The following CHSY3 variants were observed in gnomAD, a reference collection of about 807,000 sequenced individuals.
The protein encoded by CHSY3 is chondroitin sulfate synthase 3.
CHSY3 carries 35 observed loss-of-function variants against 67.2 expected under a neutral mutation model. The ratio of observed to expected loss-of-function variants is 0.52; its 90% CI spans 0.40 to 0.69. The LOEUF is 0.69. CHSY3 is among the 30% of genes least tolerant of loss of function. The pLI, the probability that CHSY3 is intolerant of heterozygous loss-of-function variation, is 0.00. For missense variants in CHSY3, 1,069 were observed against 1,138.5 expected (o/e 0.94, Z 0.88); for synonymous variants, 474 against 434.7 (o/e 1.09, Z -1.12).
At chr5:130,136,381 G>A (rs886088564) in intron 2 of CHSY3, among the ~76,000 whole-genome samples, 1 of 152,140 alleles carries the variant, frequency 6.6e-6, no homozygotes, top group Non-Finnish European at 1.5e-5. Context: ...GAAACCTAAG[G>A]GACAGTCATG....
At chr5:130,112,302 T>A (rs184881033) in intron 2 of CHSY3, among the ~76,000 whole-genome samples, 69 of 152,306 alleles carry the variant, frequency 4.5e-4, no homozygotes, top group African/African-American at 1.1e-3. Context: ...AAAGTTATTT[T>A]TGTAGTGACT....
intron 2 of CHSY3, among the ~76,000 whole-genome samples, chr5:129,944,679 T>G (rs1202071449): frequency 1.3e-5 from 2 of 152,170 alleles, no homozygotes; most frequent in African/African-American, 4.8e-5. Flanking sequence ...AGATATATTT[T>G]AACTATTTAA....
intron 1 of CHSY3, chr5:129,905,849 G>A (rs1760271317): frequency 9.9e-7 from 1 of 1,006,572 alleles, no homozygotes; most frequent in East Asian, 2.8e-5. Flanking sequence ...CACCTGCCTG[G>A]CTTTATTCGC....
At chr5:130,017,123 AT>A (rs1269495483) in intron 2 of CHSY3, among the ~76,000 whole-genome samples, 5 of 152,136 alleles carry the variant, frequency 3.3e-5, no homozygotes, top group African/African-American at 4.8e-5. Context: ...ACTTTTTAAA[AT>A]TAGTTTCTTT....
At chr5:130,089,209 C>G (rs1766785374) in intron 2 of CHSY3, among the ~76,000 whole-genome samples, 1 of 111,586 alleles carries the variant, frequency 9.0e-6, no homozygotes, top group African/African-American at 3.7e-5. Flanking sequence ...ACATCACACT[C>G]TGGGGACTGT....
chr5:130,127,914 C>T (rs1036608858), intron 2 of CHSY3, among the ~76,000 whole-genome samples: 1 of 152,106 alleles, frequency 6.6e-6, no homozygotes, highest in Non-Finnish European at 1.5e-5. Flanking sequence ...ACAGTTTCAG[C>T]ACCTTATCAA....
intron 2 of CHSY3, among the ~76,000 whole-genome samples, chr5:129,997,121 T>TA (rs35540828): frequency 0.51 from 73,852 of 145,594 alleles, 18,468 homozygotes; most frequent in East Asian, 0.57. Flanking sequence ...TCAAAGCATT[T>TA]AAAAAAAAAA....
chr5:130,136,173 G>A (rs899424630), intron 2 of CHSY3, among the ~76,000 whole-genome samples: 2 of 152,176 alleles, frequency 1.3e-5, no homozygotes, highest in African/African-American at 4.8e-5. Context: ...CACCAAGGAG[G>A]TAATGCTTGA....
At chr5:130,027,346 C>G (rs1363007158) in intron 2 of CHSY3, among the ~76,000 whole-genome samples, 1 of 152,014 alleles carries the variant, frequency 6.6e-6, no homozygotes, top group East Asian at 1.9e-4. Context: ...AGTAGAGCAC[C>G]TCAACCTCTG....
chr5:130,007,452 G>C (rs1412643144), intron 2 of CHSY3, among the ~76,000 whole-genome samples: 2 of 152,086 alleles, frequency 1.3e-5, no homozygotes, highest in Non-Finnish European at 2.9e-5. Flanking sequence ...GTTGAAGGGG[G>C]AGGGAGCAGA....
At chr5:129,908,445 C>T in intron 2 of CHSY3, 85 bp downstream of exon 2, 1 of 1,509,170 alleles carries the variant, frequency 6.6e-7, no homozygotes, top group East Asian at 2.3e-5. Flanking sequence ...TATTCATTCT[C>T]TCTGTATCTT....
chr5:130,160,252 A>C (rs1769491144), intron 2 of CHSY3, among the ~76,000 whole-genome samples: 1 of 152,212 alleles, frequency 6.6e-6, no homozygotes, highest in African/African-American at 2.4e-5. Context: ...TTCCTTGTCC[A>C]TCTGACTCCC....
intron 2 of CHSY3, among the ~76,000 whole-genome samples, chr5:130,062,409 G>A (rs774811897): frequency 1.3e-5 from 2 of 152,110 alleles, no homozygotes; most frequent in Non-Finnish European, 2.9e-5. Flanking sequence ...TGGAGAGGCT[G>A]AGAGGGTGGT....
At chr5:130,050,104 A>G (rs950649548) in intron 2 of CHSY3, among the ~76,000 whole-genome samples, 1 of 152,128 alleles carries the variant, frequency 6.6e-6, no homozygotes, top group Non-Finnish European at 1.5e-5. Flanking sequence ...TAAGCCACTT[A>G]CTGTTGTAGG....
chr5:129,913,098 C>CA (rs1760622221), intron 2 of CHSY3, among the ~76,000 whole-genome samples: 1 of 152,190 alleles, frequency 6.6e-6, no homozygotes, highest in Non-Finnish European at 1.5e-5. Flanking sequence ...TGGGAGGCTG[C>CA]ATATGGCTCT....
intron 2 of CHSY3, among the ~76,000 whole-genome samples, chr5:129,965,418 G>T (rs915352264): frequency 1.3e-5 from 2 of 151,932 alleles, no homozygotes; most frequent in Admixed American, 1.3e-4. Flanking sequence ...ATGTGGAGCT[G>T]ATCAAAAGTT....
At chr5:130,098,349 C>A (rs956354764) in intron 2 of CHSY3, among the ~76,000 whole-genome samples, 19 of 152,028 alleles carry the variant, frequency 1.2e-4, no homozygotes, top group Middle Eastern at 3.2e-3. Context: ...GTATACACAC[C>A]CACGTTTATT....
chr5:130,005,404 A>G (rs2149642383), intron 2 of CHSY3, among the ~76,000 whole-genome samples: 1 of 147,916 alleles, frequency 6.8e-6, no homozygotes, highest in Middle Eastern at 3.4e-3. Context: ...ACAGAGTGAG[A>G]CTCTGTGAAA....
chr5:129,938,530 T>TATGAGCATATGCGGTTAGAAGCAGCCAG (rs1761584664), intron 2 of CHSY3, among the ~76,000 whole-genome samples: 1 of 152,224 alleles, frequency 6.6e-6, no homozygotes. Flanking sequence ...TGTTCATGCA[T>TATGAGCATATGCGGTTAGAAGCAGCCAG]ATGAGCATAT....
Sources: gnomAD v4.1 joint callset for allele counts (sites outside exome capture counted in the v4.1 genomes callset) on GRCh38, gnomAD v4.1.1 for gene constraint, MANE v1.5 for transcripts, NCBI Gene and HGNC (gene_info 2026-07-23, HGNC 2026-07-21) for gene names.